Variants in MLLT3 observed in about 807,000 individuals in gnomAD.
MLLT3 encodes the protein MLLT3 super elongation complex subunit.
A neutral mutation model predicts 53.2 loss-of-function variants in MLLT3; 4 were observed. The ratio of observed to expected loss-of-function variants is 0.08; its 90% CI spans 0.04 to 0.17. The LOEUF (loss-of-function observed/expected upper bound fraction) is 0.17, where lower values mean the gene tolerates loss of function less well. Among genes scored for constraint, MLLT3 ranks in the 10% least tolerant of loss-of-function variants. MLLT3 has a pLI of 1.00. For synonymous variants in MLLT3, 283 were observed against 230.6 expected (o/e 1.23, Z -2.06); for missense variants, 569 against 684.0 (o/e 0.83, Z 1.87).
At chr9:20,363,724 A>G (rs1471847204) in intron 6 of MLLT3, 119 bp from the exon 7 acceptor site, 4 of 861,948 alleles carry the variant, frequency 4.6e-6, no homozygotes, top group Non-Finnish European at 6.3e-6. Context: ...CATCATATAT[A>G]TTTATACAAT....
intron 2 of MLLT3, among the ~76,000 whole-genome samples, chr9:20,504,416 A>C (rs2118948377): frequency 6.6e-6 from 1 of 152,074 alleles, no homozygotes; most frequent in South Asian, 2.1e-4. Context: ...TTCAGCCTTT[A>C]AAAAGAAGGA....
rs773196575 is a variant in MLLT3, at chr9:20,433,958, C to CAAAAAAA, written c.420+14158_420+14164dup. Among the ~76,000 whole-genome samples, 671 of 133,826 alleles carry CAAAAAAA rather than the reference C, an allele frequency of 5.0e-3. 8 individuals carry two copies. The highest frequency in any genetic ancestry group is 0.018 in the African/African-American group (646 of 35,400). The allele number at this position is 133,826 out of a possible 152,430, so 87.8% of individuals were successfully genotyped here. A position where few individuals can be genotyped will look rare whatever the true frequency, so the allele number is the denominator to read the frequency against. ...TGAAACCCTGTCTCTACTAAAAATA[C>CAAAAAAA]AAAAAAAAAAAAATTAGCTGGGTAT... On this transcript the variant is annotated intron_variant, in intron 4 of 10. Coordinates refer to ENST00000380338, the MANE Select transcript of MLLT3 (RefSeq NM_004529.4).
chr9:20,457,894 G>C (rs1223644464), intron 2 of MLLT3, among the ~76,000 whole-genome samples: 1 of 152,070 alleles, frequency 6.6e-6, no homozygotes, highest in Non-Finnish European at 1.5e-5. Flanking sequence ...GCATTTTGGT[G>C]GTATCACAAA....
At chr9:20,395,913 C>T (rs188452751) in intron 5 of MLLT3, among the ~76,000 whole-genome samples, 47 of 152,226 alleles carry the variant, frequency 3.1e-4, no homozygotes. Flanking sequence ...AGGAAACCAT[C>T]GGTAACAACT....
intron 2 of MLLT3, among the ~76,000 whole-genome samples, chr9:20,549,469 T>C (rs991763362): frequency 4.1e-5 from 5 of 120,544 alleles, no homozygotes; most frequent in Non-Finnish European, 9.1e-5. Flanking sequence ...ATTTACTCCG[T>C]GCCAGGAACT....
Position 20,622,414 on chromosome 9 carries a change from G to A in MLLT3, c.-158C>T. 1 of 656,436 alleles carries A rather than the reference G, an allele frequency of 1.5e-6. No homozygotes were observed. Among genetic ancestry groups the A allele is most frequent in the South Asian group, 2.2e-5 (1 of 45,842 alleles). The allele number at this position is 656,436 out of a possible 1,614,324, so 40.7% of individuals were successfully genotyped here. A position where few individuals can be genotyped will look rare whatever the true frequency, so the allele number is the denominator to read the frequency against. On this transcript the variant is annotated 5_prime_UTR_variant, in exon 1 of 11. Transcript: ENST00000380338. ...TCTCTGCCTTTTTCCCCCCGCGCTC[G>A]CTTGCTCGCTCGCTCGCTTATTAAA...
At chr9:20,616,592 T>C (rs1820839823) in intron 2 of MLLT3, among the ~76,000 whole-genome samples, 1 of 152,184 alleles carries the variant, frequency 6.6e-6, no homozygotes, top group African/African-American at 2.4e-5. Context: ...TTTACTTATT[T>C]ACAGACATAC....
At chr9:20,388,014 A>C (rs74709071) in intron 5 of MLLT3, among the ~76,000 whole-genome samples, 4 of 152,184 alleles carry the variant, frequency 2.6e-5, no homozygotes, top group Non-Finnish European at 5.9e-5. Context: ...CAAATGAAAC[A>C]ATCACCTGTG....
chr9:20,387,600 T>C (rs538565842), intron 5 of MLLT3, among the ~76,000 whole-genome samples: 1 of 152,228 alleles, frequency 6.6e-6, no homozygotes, highest in African/African-American at 2.4e-5. Context: ...GTTGTCCAAG[T>C]TTCTCAGAGT....
chr9:20,460,827 T>C (rs1453894559), intron 2 of MLLT3, among the ~76,000 whole-genome samples: 1 of 152,184 alleles, frequency 6.6e-6, no homozygotes, highest in East Asian at 1.9e-4. Context: ...ACAATCAACA[T>C]AAACTTTTAA....
intron 4 of MLLT3, among the ~76,000 whole-genome samples, chr9:20,421,606 T>A (rs1398575449): frequency 6.6e-6 from 1 of 152,172 alleles, no homozygotes; most frequent in Non-Finnish European, 1.5e-5. Context: ...GACATATATG[T>A]TTAGTGTTCC....
At chr9:20,538,781 A>G (rs1382613558) in intron 2 of MLLT3, among the ~76,000 whole-genome samples, 2 of 152,254 alleles carry the variant, frequency 1.3e-5, no homozygotes, top group African/African-American at 4.8e-5. Context: ...CTGCACAGGC[A>G]TACCTCAGAG....
At chr9:20,367,393 T>C (rs1028627904) in intron 5 of MLLT3, among the ~76,000 whole-genome samples, 2 of 152,330 alleles carry the variant, frequency 1.3e-5, no homozygotes, top group African/African-American at 4.8e-5. Context: ...TAGGGGTCTG[T>C]CTTGTGCTTC....
In MLLT3 at chr9:20,414,240, C is replaced by A. The variant is rs143824372; in HGVS notation, c.606G>T (p.Glu202Asp). 277 of 1,613,808 alleles carry A rather than the reference C, an allele frequency of 1.7e-4. 1 individual carries two copies. Among genetic ancestry groups the A allele is most frequent in the Middle Eastern group, 3.3e-4 (2 of 5,972 alleles). The change falls in exon 5 of 11, where the codon GAG (glutamate) becomes GAT (aspartate). Residue 202 changes from glutamate (E) to aspartate (D), a missense_variant. Coordinates refer to ENST00000380338, the MANE Select transcript of MLLT3 (RefSeq NM_004529.4). ...AGTCTTTAGAAGGTTTTTCCTTGTG[C>A]TCCTTCATTAATTTGTGAGGCTTTG... is the stretch of plus-strand genomic sequence containing the variant. ...SFSKPHKLMK[E>D]HKEKPSKDSR...
At chr9:20,507,364 T>A (rs769498546) in intron 2 of MLLT3, among the ~76,000 whole-genome samples, 3 of 152,190 alleles carry the variant, frequency 2.0e-5, no homozygotes, top group Non-Finnish European at 4.4e-5. Flanking sequence ...GAAATATTTC[T>A]GAAGCCTAAA....
At chr9:20,498,338 G>A (rs1279307794) in intron 2 of MLLT3, among the ~76,000 whole-genome samples, 2 of 144,910 alleles carry the variant, frequency 1.4e-5, no homozygotes, top group East Asian at 4.3e-4. Flanking sequence ...ATTCTACTGA[G>A]AATGTAATAC....
intron 5 of MLLT3, among the ~76,000 whole-genome samples, chr9:20,394,015 T>C (rs1017834591): frequency 1.3e-5 from 2 of 152,214 alleles, no homozygotes; most frequent in African/African-American, 4.8e-5. Context: ...TTAATTATCC[T>C]TCACAACAAC....
chr9:20,491,269 C>G (rs1013857659), intron 2 of MLLT3, among the ~76,000 whole-genome samples: 6 of 151,962 alleles, frequency 3.9e-5, no homozygotes, highest in African/African-American at 1.4e-4. Flanking sequence ...TTCTTATCCA[C>G]AAAACCATTT....
At chr9:20,431,393 C>A (rs1586944440) in intron 4 of MLLT3, among the ~76,000 whole-genome samples, 1 of 152,150 alleles carries the variant, frequency 6.6e-6, no homozygotes, top group East Asian at 1.9e-4. Flanking sequence ...TTGGGAACCA[C>A]TGAGTTACAG....
Sources: allele counts gnomAD v4.1 joint callset (sites outside exome capture counted in the v4.1 genomes callset), GRCh38; gene constraint gnomAD v4.1.1; transcripts MANE v1.5; gene names NCBI Gene and HGNC (gene_info 2026-07-23, HGNC 2026-07-21).